CAMK1D: variants seen among roughly 807,000 people sequenced by gnomAD.
CAMK1D encodes calcium/calmodulin dependent protein kinase ID, also known as calcium/calmodulin-dependent protein kinase type 1D.
A neutral mutation model predicts 47.7 loss-of-function variants in CAMK1D; 9 were observed. That is an observed-to-expected ratio of 0.19 (90% CI 0.11 to 0.33). The LOEUF (loss-of-function observed/expected upper bound fraction) is 0.33, where lower values mean the gene tolerates loss of function less well. CAMK1D is among the 10% of genes least tolerant of loss of function. CAMK1D has a pLI of 1.00. For synonymous variants in CAMK1D, 184 were observed against 184.9 expected (o/e 0.99, Z 0.04); for missense variants, 291 against 488.7 (o/e 0.60, Z 3.81).
In CAMK1D at chr10:12,831,971, G is replaced by T. The variant is rs2131148004; in HGVS notation, c.*3084G>T. 1 of 152,360 alleles carries T rather than the reference G, an allele frequency of 6.6e-6. No homozygotes were observed. The highest frequency in any genetic ancestry group is 3.4e-3 in the Middle Eastern group (1 of 294). The allele number at this position is 152,360 out of a possible 1,614,324, so 9.4% of individuals were successfully genotyped here. On this transcript the variant is annotated 3_prime_UTR_variant, in exon 11 of 11. Transcript: ENST00000619168. The stretch of plus-strand genomic sequence containing the variant: ...CCAAGGTCAGAGTCCACCTGTAGAG[G>T]CTGAGCATTTCTACATGCACCCAGG...
chr10:12,651,883 A>G (rs1330191663), intron 2 of CAMK1D, among the ~76,000 whole-genome samples: 1 of 151,462 alleles, frequency 6.6e-6, no homozygotes, highest in Non-Finnish European at 1.5e-5. Context: ...GGTTCACGCC[A>G]TTCTCCTGCC....
intron 2 of CAMK1D, among the ~76,000 whole-genome samples, chr10:12,588,802 A>ACG (rs1837900009): frequency 6.6e-6 from 1 of 150,510 alleles, no homozygotes; most frequent in Non-Finnish European, 1.5e-5. Flanking sequence ...ACACACACAC[A>ACG]CACACACATA....
chr10:12,716,186 C>T (rs1370822659), intron 3 of CAMK1D, among the ~76,000 whole-genome samples: 2 of 152,080 alleles, frequency 1.3e-5, no homozygotes, highest in Non-Finnish European at 2.9e-5. Flanking sequence ...TTTGAAATCC[C>T]TTAGACCAGG....
chr10:12,746,755 G>A (rs984254460), intron 3 of CAMK1D, among the ~76,000 whole-genome samples: 20 of 152,188 alleles, frequency 1.3e-4, no homozygotes, highest in Admixed American at 9.2e-4. Context: ...ACTGTGTGAC[G>A]GGGGCGGGAG....
chr10:12,734,322 C>CAAAA (rs1201573872), intron 3 of CAMK1D, among the ~76,000 whole-genome samples: 5 of 23,578 alleles, frequency 2.1e-4, no homozygotes, highest in Admixed American at 8.3e-4. Context: ...GACTCCATCT[C>CAAAA]AAAAAAAAAA....
At chr10:12,573,761 C>G (rs1837398997) in intron 2 of CAMK1D, among the ~76,000 whole-genome samples, 1 of 151,328 alleles carries the variant, frequency 6.6e-6, no homozygotes, top group Non-Finnish European at 1.5e-5. Context: ...CTCAAGGGAT[C>G]CTCCCACCTC....
At chr10:12,385,739 CTTTTTTTTTTTTT>C (rs71384318) in intron 1 of CAMK1D, among the ~76,000 whole-genome samples, 3 of 100,546 alleles carry the variant, frequency 3.0e-5, no homozygotes, top group East Asian at 5.8e-4. Context: ...TTGAATTGTA[CTTTTTTTTTTTTT>C]TTTTTTTTTT....
intron 1 of CAMK1D, among the ~76,000 whole-genome samples, chr10:12,533,190 T>C (rs1835864057): frequency 6.6e-6 from 1 of 152,198 alleles, no homozygotes; most frequent in Admixed American, 6.5e-5. Context: ...ATTTACCCCA[T>C]AAATATATAC....
intron 3 of CAMK1D, among the ~76,000 whole-genome samples, chr10:12,727,411 T>C (rs1477997680): frequency 6.6e-6 from 1 of 152,236 alleles, no homozygotes; most frequent in African/African-American, 2.4e-5. Context: ...TTTTTACTGA[T>C]AGCATGTGAC....
chr10:12,357,724 G>T (rs1036079483), intron 1 of CAMK1D, among the ~76,000 whole-genome samples: 4 of 152,142 alleles, frequency 2.6e-5, no homozygotes, highest in African/African-American at 4.8e-5. Context: ...GGTCAATTCC[G>T]TGCTTATTTA....
chr10:12,446,127 C>T (rs1832917608), intron 1 of CAMK1D, among the ~76,000 whole-genome samples: 1 of 152,034 alleles, frequency 6.6e-6, no homozygotes, highest in Non-Finnish European at 1.5e-5. Flanking sequence ...GATCCAGGCC[C>T]CAAGAGATGG....
chr10:12,435,523 C>G (rs1441523374), intron 1 of CAMK1D, among the ~76,000 whole-genome samples: 1 of 152,060 alleles, frequency 6.6e-6, no homozygotes, highest in Non-Finnish European at 1.5e-5. Context: ...GTGACCTGCT[C>G]GTCCCCTCCA....
intron 4 of CAMK1D, among the ~76,000 whole-genome samples, chr10:12,761,893 T>G (rs1836529079): frequency 6.6e-6 from 1 of 152,044 alleles, no homozygotes; most frequent in Non-Finnish European, 1.5e-5. Context: ...TCAAAAAAAA[T>G]AAATAAATAA....
chr10:12,698,903 C>G (rs1417555372), intron 3 of CAMK1D, among the ~76,000 whole-genome samples: 1 of 151,972 alleles, frequency 6.6e-6, no homozygotes, highest in Non-Finnish European at 1.5e-5. Context: ...GAGCTCTTGA[C>G]CTCGTGATCT....
intron 1 of CAMK1D, among the ~76,000 whole-genome samples, chr10:12,444,624 A>G (rs528185901): frequency 1.3e-5 from 2 of 152,314 alleles, no homozygotes; most frequent in African/African-American, 2.4e-5. Context: ...AGCCAGAACA[A>G]TTTGAAGCAG....
At chr10:12,482,083 G>T (rs1032385223) in intron 1 of CAMK1D, among the ~76,000 whole-genome samples, 2 of 152,226 alleles carry the variant, frequency 1.3e-5, no homozygotes, top group African/African-American at 4.8e-5. Context: ...TTGAGGGGGT[G>T]GTTATTGGTA....
At chr10:12,642,421 G>A (rs1839692945) in intron 2 of CAMK1D, among the ~76,000 whole-genome samples, 1 of 152,246 alleles carries the variant, frequency 6.6e-6, no homozygotes, top group South Asian at 2.1e-4. Flanking sequence ...ATGGATGATA[G>A]CTGAGCAACC....
chr10:12,462,165 T>G (rs1039499690), intron 1 of CAMK1D, among the ~76,000 whole-genome samples: 205 of 143,088 alleles, frequency 1.4e-3, no homozygotes, highest in African/African-American at 3.7e-3. Flanking sequence ...AGTTTTTTTT[T>G]TTTTTTTTTT....
intron 2 of CAMK1D, among the ~76,000 whole-genome samples, chr10:12,629,392 C>A (rs1839314041): frequency 2.0e-5 from 3 of 152,146 alleles, no homozygotes; most frequent in Non-Finnish European, 4.4e-5. Flanking sequence ...TGTTGAAAGG[C>A]CAAAATGACA....
Sources: gnomAD v4.1 joint callset for allele counts (sites outside exome capture counted in the v4.1 genomes callset) on GRCh38, gnomAD v4.1.1 for gene constraint, MANE v1.5 for transcripts, NCBI Gene and HGNC (gene_info 2026-07-23, HGNC 2026-07-21) for gene names.